ACACA: variants seen among roughly 807,000 people sequenced by gnomAD.
The protein encoded by ACACA is acetyl-CoA carboxylase alpha.
Under a neutral mutation model 296.1 loss-of-function variants are expected in ACACA, and 103 were observed. That is an observed-to-expected ratio of 0.35 (90% CI 0.30 to 0.41). The LOEUF (loss-of-function observed/expected upper bound fraction) is 0.41. ACACA is among the 10% of genes least tolerant of loss of function. The pLI is 1.00. For missense variants in ACACA, 1,554 were observed against 2,989.7 expected, an observed-to-expected ratio of 0.52 and a Z score of 11.20; for synonymous variants, 953 against 1,038.6, an observed-to-expected ratio of 0.92 and a Z score of 1.58.
chr17:37,379,310 A>G (rs1285919027), intron 1 of ACACA: 1 of 1,614,020 alleles, frequency 6.2e-7, no homozygotes, highest in Admixed American at 1.7e-5. Flanking sequence ...CCGCAGAAAC[A>G]GCTCTGCCTC....
chr17:37,237,412 A>G (rs938003172), intron 24 of ACACA, among the ~76,000 whole-genome samples: 2 of 152,344 alleles, frequency 1.3e-5, no homozygotes, highest in Non-Finnish European at 2.9e-5. Context: ...AAAGAATACA[A>G]ATAAGTTCAA....
chr17:37,274,071 C>T, intron 9 of ACACA, 122 bp downstream of exon 9: 2 of 819,650 alleles, frequency 2.4e-6, no homozygotes, highest in South Asian at 1.4e-5. Flanking sequence ...CAAACTACAC[C>T]TCCTGGTCTT....
intron 9 of ACACA, among the ~76,000 whole-genome samples, chr17:37,273,367 T>G (rs2082145846): frequency 6.6e-6 from 1 of 152,352 alleles, no homozygotes; most frequent in African/African-American, 2.4e-5. Flanking sequence ...AAGGTAATGT[T>G]GGGGAAAGGA....
At chr17:37,124,747 T>A (rs959516908) in intron 48 of ACACA, among the ~76,000 whole-genome samples, 8 of 152,306 alleles carry the variant, frequency 5.3e-5, no homozygotes, top group African/African-American at 1.9e-4. Context: ...AGAATCCTAT[T>A]CAGAGTCACA....
intron 1 of ACACA, among the ~76,000 whole-genome samples, chr17:37,366,263 C>A (rs2147644823): frequency 6.6e-6 from 1 of 152,210 alleles, no homozygotes; most frequent in South Asian, 2.1e-4. Flanking sequence ...ATATTTAGGC[C>A]TCTACCTGTC....
At position 37,274,199 on chromosome 17, in the gene ACACA, C is replaced by G; in HGVS notation, c.1002G>C (p.Gly334=). The change falls in exon 9 of 56, where the codon GGG becomes GGC. Residue 334 remains glycine (G), a synonymous_variant. Transcript: ENST00000616317. ...EKGYVKDVDD[G]LQAAEEVGYP... is the part of the protein sequence containing the mutation. ...CCTGGAGTTAGTAACCTACCTGTAGCCCATCATCCACATCTTTCACATAAC... is the reference window on the plus strand; with the variant it reads ...CCTGGAGTTAGTAACCTACCTGTAGGCCATCATCCACATCTTTCACATAAC... The G allele has an allele frequency of 1.2e-6, 2 of 1,612,734 alleles. No individual in the cohort carries two copies. Among genetic ancestry groups the G allele is most frequent in the Non-Finnish European group, 1.7e-6 (2 of 1,178,656 alleles).
chr17:37,250,087 A>C (rs1050109908), intron 16 of ACACA, among the ~76,000 whole-genome samples: 4 of 152,236 alleles, frequency 2.6e-5, no homozygotes, highest in African/African-American at 9.6e-5. Flanking sequence ...TGACTCAATT[A>C]AACTTCTTTC....
chr17:37,244,429 G>A (rs1208350010), intron 21 of ACACA, among the ~76,000 whole-genome samples, 159 bp downstream of exon 21: 2 of 151,926 alleles, frequency 1.3e-5, no homozygotes, highest in Non-Finnish European at 2.9e-5. Context: ...TAAGAAACAT[G>A]GATTTAAAGA....
chr17:37,141,796 A>C lies in ACACA; in HGVS notation c.5679+8068T>G, dbSNP rs546906722. 3.3e-5 allele frequency among the ~76,000 whole-genome samples: 5 copies of C among 151,812 alleles called. No homozygotes were observed. In the South Asian group the frequency reaches 8.3e-4, roughly 25 times the overall value. ...CACCTCTGCCTCCCAGGTTCAAGTG[A>C]TTCTCCTGCCTCAGCCTCCTGAGTA... On this transcript the variant is annotated intron_variant, in intron 45 of 55. Transcript: ENST00000616317.
At chr17:37,322,505 T>A (rs2047402365) in intron 3 of ACACA, among the ~76,000 whole-genome samples, 1 of 152,112 alleles carries the variant, frequency 6.6e-6, no homozygotes, top group Non-Finnish European at 1.5e-5. Flanking sequence ...TGTCAAGGGC[T>A]CCACCTTTGA....
At chr17:37,246,415 A>G (rs2080702867) in intron 19 of ACACA, among the ~76,000 whole-genome samples, 1 of 151,586 alleles carries the variant, frequency 6.6e-6, no homozygotes, top group Non-Finnish European at 1.5e-5. Flanking sequence ...CCAATCTGTT[A>G]CCTTTTTTTT....
At chr17:37,266,892 T>C (rs994090104) in intron 10 of ACACA, among the ~76,000 whole-genome samples, 18 of 152,188 alleles carry the variant, frequency 1.2e-4, no homozygotes, top group African/African-American at 4.3e-4. Flanking sequence ...TTACAGAACA[T>C]GGATCTTTTT....
chr17:37,167,324 T>TC (rs1237886221), intron 41 of ACACA, among the ~76,000 whole-genome samples: 2 of 142,028 alleles, frequency 1.4e-5, no homozygotes, highest in Non-Finnish European at 3.0e-5. Context: ...CAGGCTGGAG[T>TC]ACAGTGGCGT....
At chr17:37,157,034 G>T (rs1376226632) in intron 42 of ACACA, among the ~76,000 whole-genome samples, 1 of 152,134 alleles carries the variant, frequency 6.6e-6, no homozygotes, top group Non-Finnish European at 1.5e-5. Context: ...CTACCCTTAT[G>T]AAACATACCT....
chr17:37,330,871 T>C, intron 2 of ACACA, among the ~76,000 whole-genome samples: 1 of 152,176 alleles, frequency 6.6e-6, no homozygotes, highest in South Asian at 2.1e-4. Context: ...AATGCTCATC[T>C]GGCTTCAAAC....
At chr17:37,096,856 G>A in intron 54 of ACACA, 140 bp downstream of exon 54, 2 of 998,714 alleles carry the variant, frequency 2.0e-6, no homozygotes, top group Non-Finnish European at 3.2e-6. Context: ...AGTAGCTGGG[G>A]GAGGAAACAG....
chr17:37,302,444 A>G (rs2083668898), intron 3 of ACACA, among the ~76,000 whole-genome samples: 1 of 152,088 alleles, frequency 6.6e-6, no homozygotes, highest in East Asian at 1.9e-4. Context: ...TCCTGACCTC[A>G]GGTGATCCAC....
chr17:37,314,163 C>T (rs544765537), intron 3 of ACACA, among the ~76,000 whole-genome samples: 9 of 143,988 alleles, frequency 6.3e-5, no homozygotes, highest in East Asian at 6.1e-4. Context: ...AGTGCAGTGG[C>T]GAAATCTTGG....
At position 37,340,354 on chromosome 17, in the gene ACACA, T is replaced by C. The variant is rs2048326611; in HGVS notation, c.39-504A>G. On this transcript the variant is annotated intron_variant, in intron 1 of 55. Transcript: ENST00000616317. ...CTCTAGCAACTCCCCAAATCCTCGG[T>C]TTCCTTCTTAAGCCTGACAATTTAA... Among the ~76,000 whole-genome samples, 11 of 152,266 alleles carry C rather than the reference T, an allele frequency of 7.2e-5. 1 individual carries two copies. The South Asian group carries it at 2.3e-3, about 32-fold the overall frequency.
Sources: gnomAD v4.1 joint callset for allele counts (sites outside exome capture counted in the v4.1 genomes callset) on GRCh38, gnomAD v4.1.1 for gene constraint, MANE v1.5 for transcripts, NCBI Gene and HGNC (gene_info 2026-07-23, HGNC 2026-07-21) for gene names.